TYRO3: variants seen among roughly 807,000 people sequenced by gnomAD.
TYRO3 encodes the protein tyrosine-protein kinase receptor TYRO3.
Under a neutral mutation model 95.2 loss-of-function variants are expected in TYRO3, and 38 were observed. The observed-to-expected ratio is 0.40, with a 90% CI of 0.31 to 0.52. The LOEUF is 0.52. TYRO3 is among the 20% of genes least tolerant of loss of function. The pLI, the probability that TYRO3 is intolerant of heterozygous loss-of-function variation, is 0.56. For missense variants in TYRO3, 812 were observed against 1,116.4 expected (o/e 0.73, Z 3.89); for synonymous variants, 367 against 432.9 (o/e 0.85, Z 1.89).
At chr15:41,569,106 A>G (rs2055762383) in intron 9 of TYRO3, 84 bp downstream of exon 9, 2 of 1,484,444 alleles carry the variant, frequency 1.3e-6, no homozygotes, top group Admixed American at 1.8e-5. Context: ...GGAGCCTAGT[A>G]GCATCTCCCC....
rs557270589 is a variant in TYRO3 at position 41,564,258 on chromosome 15, G to A, written c.655G>A (p.Val219Ile). The A allele has an allele frequency of 6.2e-7, 1 of 1,614,110 alleles. No individual in the cohort carries two copies. Among genetic ancestry groups the A allele is most frequent in the African/African-American group, 1.3e-5 (1 of 75,052 alleles). ...CCTGGCCTCTTCTCGCACAGCCACT[G>A]TTCACCTTCAAGGTAGGAGGGCTGG... ...KGLASSRTAT[V>I]HLQALPAAPF... Residue 219 changes from valine (V) to isoleucine (I), a missense_variant, in exon 5 of 19, where the codon GTT becomes ATT. Physicochemically the swap from Val to Ile is conservative, Grantham distance 29 (BLOSUM62 3). Coordinates refer to ENST00000263798, the MANE Select transcript of TYRO3 (RefSeq NM_006293.4).
intron 1 of TYRO3, among the ~76,000 whole-genome samples, chr15:41,560,672 C>T (rs1444135377): frequency 6.6e-6 from 1 of 150,854 alleles, no homozygotes; most frequent in African/African-American, 2.5e-5. Flanking sequence ...GGGAGCACCC[C>T]CTCCTTTCCT....
intron 9 of TYRO3, 21 bp downstream of exon 9, chr15:41,569,043 G>C: frequency 2.5e-6 from 4 of 1,606,942 alleles, no homozygotes; most frequent in Non-Finnish European, 3.4e-6. Context: ...TAGGTGGAGA[G>C]GGGCAGAGGC....
rs981034003 is a variant in TYRO3 at position 41,559,311 on chromosome 15, G to T, written c.54G>T (p.Pro18=). Residue 18 remains proline, a synonymous_variant, in exon 1 of 19, where the codon CCG becomes CCT. Coordinates refer to ENST00000263798, the MANE Select transcript of TYRO3 (RefSeq NM_006293.4). ...GRPGLPPLPL[P]PPPRLGLLLA... is the part of the protein sequence containing the mutation. ...CGGGGCTCCCGCCGCTGCCGCTGCCGCCGCCACCGCGGCTCGGGCTGCTGC... is the reference window on the plus strand; with the variant it reads ...CGGGGCTCCCGCCGCTGCCGCTGCCTCCGCCACCGCGGCTCGGGCTGCTGC... The T allele has an allele frequency of 9.3e-5, 61 of 658,590 alleles. No individual in the cohort carries two copies. The Admixed American group carries it at 1.3e-3, about 14-fold the overall frequency. 40.8% of individuals were successfully genotyped at this position (658,590 alleles called of 1,614,324 possible). A position where few individuals can be genotyped will look rare whatever the true frequency, so the allele number is the denominator to read the frequency against.
chr15:41,578,104 G>A lies in TYRO3; in HGVS notation c.2501G>A (p.Gly834Asp), dbSNP rs751494773. Residue 834 changes from glycine to aspartate, a missense_variant, in exon 19 of 19, where the codon GGC becomes GAC. By Grantham distance (94) the Gly-to-Asp change is moderately conservative. Transcript: ENST00000263798. ...RDQPYSGAGDGSGMGAVGGTP... is the reference protein window; with the variant it reads ...RDQPYSGAGDDSGMGAVGGTP... ...CAGCCCTACAGTGGGGCTGGGGATG[G>A]CAGTGGCATGGGGGCAGTGGGTGGC... is the stretch of plus-strand genomic sequence containing the variant. 6 of 1,614,008 alleles carry A rather than the reference G, an allele frequency of 3.7e-6. No individual in the cohort carries two copies. Among genetic ancestry groups the A allele is most frequent in the Non-Finnish European group, 5.1e-6 (6 of 1,180,022 alleles).
chr15:41,563,032 C>A (rs2055677573), intron 4 of TYRO3, among the ~76,000 whole-genome samples: 1 of 152,074 alleles, frequency 6.6e-6, no homozygotes, highest in Non-Finnish European at 1.5e-5. Context: ...CCATCCCCCA[C>A]CCCTCCCAAG....
intron 13 of TYRO3, among the ~76,000 whole-genome samples, 169 bp downstream of exon 13, chr15:41,571,287 A>G (rs2055792827): frequency 6.6e-6 from 1 of 152,152 alleles, no homozygotes; most frequent in South Asian, 2.1e-4. Flanking sequence ...ACCCAAACAT[A>G]CATATTCATG....
intron 1 of TYRO3, among the ~76,000 whole-genome samples, 190 bp downstream of exon 1, chr15:41,559,571 C>T (rs1170646909): frequency 1.3e-5 from 2 of 152,224 alleles, no homozygotes; most frequent in East Asian, 3.9e-4. Flanking sequence ...GCCCCCACCC[C>T]CAACTTTCTG....
Position 41,578,121 on chromosome 15 carries a change from G to C in TYRO3, c.2518G>C (p.Val840Leu), listed in dbSNP as rs1406206783. Residue 840 changes from valine (V) to leucine (L), a missense_variant, in exon 19 of 19, where the codon GTG becomes CTG. Coordinates refer to ENST00000263798, the MANE Select transcript of TYRO3 (RefSeq NM_006293.4). ...TGGGGATGGCAGTGGCATGGGGGCA[G>C]TGGGTGGCACTCCCAGTGACTGTCG... ...GAGDGSGMGA[V>L]GGTPSDCRYI... 6.2e-7 allele frequency: 1 copy of C among 1,613,892 alleles called. No homozygotes were observed. Among genetic ancestry groups the C allele is most frequent in the Non-Finnish European group, 8.5e-7 (1 of 1,180,042 alleles).
intron 7 of TYRO3, 108 bp downstream of exon 7, chr15:41,567,645 T>C: frequency 1.9e-6 from 2 of 1,067,882 alleles, no homozygotes; most frequent in Non-Finnish European, 2.5e-6. Flanking sequence ...TCAGGCATCA[T>C]TCGGCAAACA....
intron 7 of TYRO3, among the ~76,000 whole-genome samples, chr15:41,567,852 T>C (rs2055743925): frequency 6.6e-6 from 1 of 152,126 alleles, no homozygotes; most frequent in Non-Finnish European, 1.5e-5. Context: ...CATGTAAATA[T>C]CTGGGGGAAA....
chr15:41,576,645 C>CTTTT (rs971951671), intron 18 of TYRO3, among the ~76,000 whole-genome samples: 3 of 101,086 alleles, frequency 3.0e-5, no homozygotes, highest in African/African-American at 1.3e-4. Flanking sequence ...AGTAGGTTTC[C>CTTTT]TTTTTTTTTT....
intron 7 of TYRO3, among the ~76,000 whole-genome samples, chr15:41,567,946 G>C (rs570120869): frequency 5.8e-4 from 89 of 152,326 alleles, no homozygotes; most frequent in African/African-American, 2.1e-3. Flanking sequence ...TGGCATAGCT[G>C]TGAGAGGGGA....
chr15:41,572,406 C>G, intron 14 of TYRO3, 37 bp from the exon 15 acceptor site: 1 of 1,472,416 alleles, frequency 6.8e-7, no homozygotes, highest in Non-Finnish European at 9.3e-7. Context: ...GCCCCTTGAC[C>G]CTTCTATGCT....
At chr15:41,573,547 CT>C in intron 17 of TYRO3, 80 bp downstream of exon 17, 2 of 1,569,670 alleles carry the variant, frequency 1.3e-6, no homozygotes, top group Non-Finnish European at 1.7e-6. Flanking sequence ...CTAGCCAAGT[CT>C]GCTCTCTGGG....
chr15:41,578,274 T>C lies in TYRO3; in HGVS notation c.2671T>C (p.Ter891GlnextTer17). 6.2e-7 allele frequency: 1 copy of C among 1,613,268 alleles called. No homozygotes were observed. Reference sequence around the variant, plus strand: ...AGGGCTACTGCCACACAGTAGCTGTTAGCCCACAGGCAGAGGGCATCGGGG... The same window carrying C: ...AGGGCTACTGCCACACAGTAGCTGTCAGCCCACAGGCAGAGGGCATCGGGG... ...QQGLLPHSSC[*>Q] The change falls in exon 19 of 19, where the codon TAG (stop) becomes CAG (glutamine). Residue 891 changes from the stop codon to glutamine, a stop_lost. Coordinates refer to ENST00000263798, the MANE Select transcript of TYRO3 (RefSeq NM_006293.4).
intron 9 of TYRO3, among the ~76,000 whole-genome samples, chr15:41,569,343 C>G (rs1298633817): frequency 6.6e-6 from 1 of 151,572 alleles, no homozygotes; most frequent in Non-Finnish European, 1.5e-5. Context: ...TGACATATGC[C>G]TGTTAAGCCC....
In TYRO3 at chr15:41,582,791, A is replaced by G. The variant is rs1719962860; in HGVS notation, c.*4515A>G. The G allele has an allele frequency of 6.6e-6, 1 of 151,972 alleles. No homozygotes were observed. Among genetic ancestry groups the G allele is most frequent in the African/African-American group, 2.4e-5 (1 of 41,386 alleles). The allele number at this position is 151,972 out of a possible 1,614,324, so 9.4% of individuals were successfully genotyped here. ...AGAGATTCAAAGTTATTTTTCCCAGATACTTTTTATTGTCCCAATACCACC... is the reference window on the plus strand; with the variant it reads ...AGAGATTCAAAGTTATTTTTCCCAGGTACTTTTTATTGTCCCAATACCACC... On this transcript the variant is annotated 3_prime_UTR_variant, in exon 19 of 19. Transcript: ENST00000263798.
Position 41,573,430 on chromosome 15 carries a change from G to A in TYRO3, c.2108G>A (p.Ser703Asn). The A allele has an allele frequency of 6.2e-7, 1 of 1,614,278 alleles. No individual in the cohort carries two copies. The highest frequency in any genetic ancestry group is 8.5e-7 in the Non-Finnish European group (1 of 1,180,052). Reference protein sequence around the residue: ...KLPVKWLALESLADNLYTVQS... With the variant: ...KLPVKWLALENLADNLYTVQS... The stretch of plus-strand genomic sequence containing the variant: ...CCTGTCAAGTGGCTGGCCCTGGAGA[G>A]CCTGGCCGACAACCTGTATACTGTG... Residue 703 changes from serine (S) to asparagine (N), a missense_variant, in exon 17 of 19, where the codon AGC becomes AAC. Physicochemically the swap from Ser to Asn is conservative, Grantham distance 46 (BLOSUM62 1). Coordinates refer to ENST00000263798, the MANE Select transcript of TYRO3 (RefSeq NM_006293.4).
Sources: allele counts gnomAD v4.1 joint callset (sites outside exome capture counted in the v4.1 genomes callset), GRCh38; gene constraint gnomAD v4.1.1; transcripts MANE v1.5; gene names NCBI Gene and HGNC (gene_info 2026-07-23, HGNC 2026-07-21).